The following SLC12A8 variants were observed in gnomAD, a reference collection of about 807,000 sequenced individuals.
SLC12A8 encodes cation-chloride cotransporter 9.
A neutral mutation model predicts 75.6 loss-of-function variants in SLC12A8; 69 were observed. The ratio of observed to expected loss-of-function variants is 0.91; its 90% CI spans 0.75 to 1.11. SLC12A8 has a LOEUF of 1.11. SLC12A8 is among the 50% of genes most tolerant of loss of function. The probability of loss-of-function intolerance (pLI) is 0.00; values close to 1 mark genes in which losing one functional copy is unlikely to be tolerated. For missense variants in SLC12A8, 877 were observed against 896.7 expected (o/e 0.98, Z 0.28); for synonymous variants, 365 against 372.8 (o/e 0.98, Z 0.24).
chr3:125,128,273 C>T (rs1489352199), intron 6 of SLC12A8, among the ~76,000 whole-genome samples: 50 of 145,482 alleles, frequency 3.4e-4, no homozygotes, highest in African/African-American at 1.1e-3. Flanking sequence ...CTCCGCCTCC[C>T]GGGTTCACGC....
intron 5 of SLC12A8, among the ~76,000 whole-genome samples, chr3:125,145,812 A>G (rs988296603): frequency 6.6e-6 from 1 of 152,180 alleles, no homozygotes; most frequent in African/African-American, 2.4e-5. Flanking sequence ...TCATCTCAAA[A>G]TATCTTTTTT....
At chr3:125,127,068 T>A (rs1221278540) in intron 6 of SLC12A8, among the ~76,000 whole-genome samples, 2 of 152,336 alleles carry the variant, frequency 1.3e-5, no homozygotes, top group East Asian at 3.9e-4. Context: ...AGGTGCTAAA[T>A]AAATGCTCAC....
At chr3:125,128,179 T>TTA (rs1225712464) in intron 6 of SLC12A8, among the ~76,000 whole-genome samples, 1 of 110,362 alleles carries the variant, frequency 9.1e-6, no homozygotes, top group Admixed American at 8.3e-5. Flanking sequence ...CTAAGCTTAT[T>TTA]TTTATTTTTT....
At chr3:125,206,899 T>A (rs1416332035) in intron 2 of SLC12A8, 1 of 152,202 alleles carries the variant, frequency 6.6e-6, no homozygotes, top group Non-Finnish European at 1.5e-5. Context: ...CAGAACAGCA[T>A]CGAGGGAATG....
intron 2 of SLC12A8, among the ~76,000 whole-genome samples, chr3:125,191,080 A>T (rs1934900874): frequency 6.6e-6 from 1 of 152,164 alleles, no homozygotes. Flanking sequence ...AGCCCTTCTA[A>T]CACCTCTGCA....
intron 8 of SLC12A8, among the ~76,000 whole-genome samples, chr3:125,113,735 C>G (rs1939241103): frequency 2.0e-5 from 3 of 152,144 alleles, no homozygotes; most frequent in Admixed American, 2.0e-4. Flanking sequence ...CCCCCCACCC[C>G]CAGAGCTCTT....
chr3:125,139,116 GT>G (rs1253245335), intron 5 of SLC12A8, among the ~76,000 whole-genome samples: 3 of 152,176 alleles, frequency 2.0e-5, no homozygotes, highest in African/African-American at 7.2e-5. Flanking sequence ...GCTTTTCTAT[GT>G]ATGAAGAGCT....
chr3:125,182,809 G>T (rs548283647), intron 4 of SLC12A8, among the ~76,000 whole-genome samples: 2 of 151,720 alleles, frequency 1.3e-5, no homozygotes, highest in African/African-American at 2.4e-5. Flanking sequence ...CCTGGCCTTG[G>T]CCTTGTCCCC....
intron 12 of SLC12A8, among the ~76,000 whole-genome samples, chr3:125,090,663 T>A (rs938209068): frequency 6.6e-6 from 1 of 152,242 alleles, no homozygotes; most frequent in Non-Finnish European, 1.5e-5. Context: ...TTCAGCTTCA[T>A]GAAATCACCC....
At chr3:125,200,455 A>G (rs1935098372) in intron 2 of SLC12A8, among the ~76,000 whole-genome samples, 1 of 152,160 alleles carries the variant, frequency 6.6e-6, no homozygotes, top group South Asian at 2.1e-4. Flanking sequence ...TCAAAGAAAA[A>G]CAACAACAAC....
intron 5 of SLC12A8, among the ~76,000 whole-genome samples, chr3:125,171,132 A>G (rs1399565515): frequency 1.3e-5 from 2 of 152,232 alleles, no homozygotes; most frequent in Admixed American, 1.3e-4. Flanking sequence ...GTGTATTTAT[A>G]ACTGTTTTCT....
chr3:125,128,794 T>C (rs1176220256), intron 6 of SLC12A8, among the ~76,000 whole-genome samples: 1 of 152,098 alleles, frequency 6.6e-6, no homozygotes, highest in Non-Finnish European at 1.5e-5. Context: ...TCTTGTCCTC[T>C]CACTCACAAG....
At chr3:125,176,166 A>G (rs1179163026) in intron 5 of SLC12A8, among the ~76,000 whole-genome samples, 4 of 152,182 alleles carry the variant, frequency 2.6e-5, no homozygotes, top group Non-Finnish European at 5.9e-5. Context: ...ACAGCATATC[A>G]TCGTGCAAAA....
chr3:125,161,344 T>C (rs1204427835), intron 5 of SLC12A8, among the ~76,000 whole-genome samples: 1 of 152,242 alleles, frequency 6.6e-6, no homozygotes, highest in African/African-American at 2.4e-5. Context: ...GAAATCCATA[T>C]TCCTATTTCC....
At chr3:125,165,123 C>A (rs1934258079) in intron 5 of SLC12A8, among the ~76,000 whole-genome samples, 1 of 152,196 alleles carries the variant, frequency 6.6e-6, no homozygotes, top group Non-Finnish European at 1.5e-5. Flanking sequence ...AGCCCACCTC[C>A]CTCCCACCAT....
intron 13 of SLC12A8, 108 bp downstream of exon 13, chr3:125,088,202 C>G: frequency 9.1e-7 from 1 of 1,095,746 alleles, no homozygotes. Context: ...TGTTAGGTTC[C>G]CATGCCACAA....
At chr3:125,163,215 G>A (rs543124465) in intron 5 of SLC12A8, among the ~76,000 whole-genome samples, 28 of 152,064 alleles carry the variant, frequency 1.8e-4, no homozygotes, top group African/African-American at 6.5e-4. Context: ...TGGGAGAATC[G>A]CTTAAGCCTG....
rs1934527963 is a variant in SLC12A8, at chr3:125,176,373, G to GT, written c.622+1369dup. Among the ~76,000 whole-genome samples the GT allele has an allele frequency of 1.3e-5, 2 of 152,084 alleles. 1 individual carries two copies. Among genetic ancestry groups the GT allele is most frequent in the Non-Finnish European group, 2.9e-5 (2 of 68,012 alleles). ...GGCATGAGCCACTGTGCCTGGCCTG[G>GT]TTTTTTTAATAGCAAGAAAATAAAA... On this transcript the variant is annotated intron_variant, in intron 5 of 13. Transcript: ENST00000469902.
chr3:125,161,211 AATAGATT>A (rs1934160710), intron 5 of SLC12A8, among the ~76,000 whole-genome samples: 1 of 152,246 alleles, frequency 6.6e-6, no homozygotes, highest in Admixed American at 6.5e-5. Flanking sequence ...GTGCCCAGTT[AATAGATT>A]ATTCCACCAG....
Sources: allele counts gnomAD v4.1 joint callset (sites outside exome capture counted in the v4.1 genomes callset), GRCh38; gene constraint gnomAD v4.1.1; transcripts MANE v1.5; gene names NCBI Gene and HGNC (gene_info 2026-07-23, HGNC 2026-07-21).